The following GFOD1 variants were observed in gnomAD, a reference collection of about 807,000 sequenced individuals.
The protein encoded by GFOD1 is glucose-fructose oxidoreductase domain-containing protein 1.
A neutral mutation model predicts 25.4 loss-of-function variants in GFOD1; 9 were observed. That is an observed-to-expected ratio of 0.35 (90% CI 0.21 to 0.62). The LOEUF (loss-of-function observed/expected upper bound fraction) is 0.62, where lower values mean the gene tolerates loss of function less well. Ranked by LOEUF, GFOD1 falls within the 20% of genes least tolerant of loss-of-function variation. The pLI, the probability that GFOD1 is intolerant of heterozygous loss-of-function variation, is 0.72. For missense variants in GFOD1, 403 were observed against 556.9 expected (o/e 0.72, Z 2.78); for synonymous variants, 253 against 245.6 (o/e 1.03, Z -0.28).
intron 1 of GFOD1, among the ~76,000 whole-genome samples, chr6:13,393,954 AT>A (rs2127561889): frequency 6.6e-6 from 1 of 151,422 alleles, no homozygotes; most frequent in East Asian, 1.9e-4. Context: ...AATTTTTTGT[AT>A]TTTTAGTAGA....
intron 1 of GFOD1, among the ~76,000 whole-genome samples, chr6:13,444,385 A>G (rs1757968193): frequency 1.3e-5 from 2 of 149,854 alleles, no homozygotes; most frequent in Admixed American, 6.6e-5. Context: ...GGAGGGAGAG[A>G]AGCAAAAAAA....
chr6:13,420,373 T>G (rs1181436608), intron 1 of GFOD1, among the ~76,000 whole-genome samples: 1 of 152,168 alleles, frequency 6.6e-6, no homozygotes, highest in Non-Finnish European at 1.5e-5. Flanking sequence ...GAGGGCATCC[T>G]ACTCTCAGAT....
At chr6:13,428,584 T>C (rs182695906) in intron 1 of GFOD1, among the ~76,000 whole-genome samples, 1 of 152,210 alleles carries the variant, frequency 6.6e-6, no homozygotes, top group African/African-American at 2.4e-5. Flanking sequence ...AGAACAACAA[T>C]GGAAAAAGGC....
At chr6:13,410,587 AGAGAGAGAGAGAGAG>A (rs1377991599) in intron 1 of GFOD1, among the ~76,000 whole-genome samples, 1 of 30,824 alleles carries the variant, frequency 3.2e-5, no homozygotes, top group African/African-American at 4.7e-5. Flanking sequence ...GGAGAGAGAG[AGAGAGAGAGAGAGAG>A]AGAGAGAGAG....
intron 1 of GFOD1, among the ~76,000 whole-genome samples, chr6:13,441,950 C>G (rs562886903): frequency 2.0e-4 from 30 of 152,318 alleles, no homozygotes; most frequent in African/African-American, 5.1e-4. Flanking sequence ...AGGATATCAT[C>G]CCATGGCCAG....
intron 1 of GFOD1, among the ~76,000 whole-genome samples, chr6:13,429,428 G>A (rs1394620814): frequency 6.6e-6 from 1 of 152,184 alleles, no homozygotes; most frequent in African/African-American, 2.4e-5. Context: ...AATGCCTATC[G>A]AATGCAAAGA....
chr6:13,424,194 G>A (rs999657048), intron 1 of GFOD1, among the ~76,000 whole-genome samples: 1 of 152,142 alleles, frequency 6.6e-6, no homozygotes, highest in Non-Finnish European at 1.5e-5. Flanking sequence ...ATTATAATGG[G>A]CTCAGAGAGT....
At chr6:13,440,527 C>A (rs939458430) in intron 1 of GFOD1, among the ~76,000 whole-genome samples, 1 of 152,190 alleles carries the variant, frequency 6.6e-6, no homozygotes, top group African/African-American at 2.4e-5. Context: ...TGTACACCTC[C>A]TGGACTGTAA....
chr6:13,449,049 G>A (rs548748512), intron 1 of GFOD1, among the ~76,000 whole-genome samples: 1 of 152,232 alleles, frequency 6.6e-6, no homozygotes, highest in South Asian at 2.1e-4. Context: ...CACTTTGGGA[G>A]GCTGAGTTGG....
chr6:13,398,452 A>T (rs866188482), intron 1 of GFOD1, among the ~76,000 whole-genome samples: 7 of 152,252 alleles, frequency 4.6e-5, no homozygotes, highest in African/African-American at 1.7e-4. Context: ...ATTAAAGTAT[A>T]CACTTACTAT....
chr6:13,415,386 C>A (rs189679305), intron 1 of GFOD1, among the ~76,000 whole-genome samples: 1 of 152,170 alleles, frequency 6.6e-6, no homozygotes, highest in African/African-American at 2.4e-5. Context: ...GAGGGCACTG[C>A]CATTATGGGA....
intron 1 of GFOD1, among the ~76,000 whole-genome samples, chr6:13,475,666 C>T (rs777672583): frequency 1.5e-4 from 22 of 150,740 alleles, no homozygotes; most frequent in South Asian, 6.3e-4. Flanking sequence ...TGGAGTAAGC[C>T]GAGATTACGC....
chr6:13,404,882 T>A (rs1387209233), intron 1 of GFOD1, among the ~76,000 whole-genome samples: 1 of 152,206 alleles, frequency 6.6e-6, no homozygotes, highest in East Asian at 1.9e-4. Flanking sequence ...CACCTTTGGG[T>A]CAAATTTCAC....
At chr6:13,414,056 G>A (rs975079872) in intron 1 of GFOD1, among the ~76,000 whole-genome samples, 3 of 152,162 alleles carry the variant, frequency 2.0e-5, no homozygotes, top group African/African-American at 4.8e-5. Context: ...AACAGATAAG[G>A]GCTTGCTCAC....
chr6:13,433,830 G>A (rs1242424342), intron 1 of GFOD1, among the ~76,000 whole-genome samples: 1 of 152,132 alleles, frequency 6.6e-6, no homozygotes, highest in Non-Finnish European at 1.5e-5. Context: ...CCCAAACCAT[G>A]AGAGTCAGTC....
chr6:13,390,771 G>GAA (rs1785578283), intron 1 of GFOD1, among the ~76,000 whole-genome samples: 2 of 124,998 alleles, frequency 1.6e-5, no homozygotes, highest in South Asian at 4.7e-4. Context: ...AAGAGAGAGA[G>GAA]AGAGAGAGAA....
intron 1 of GFOD1, 42 bp downstream of exon 1, chr6:13,486,596 G>C: frequency 1.3e-6 from 2 of 1,564,152 alleles, no homozygotes; most frequent in Non-Finnish European, 1.8e-6. Context: ...GAAGGTTAAA[G>C]GGCGGGGGTG....
At chr6:13,368,556 C>T (rs1785091023) in intron 1 of GFOD1, among the ~76,000 whole-genome samples, 1 of 151,900 alleles carries the variant, frequency 6.6e-6, no homozygotes, top group South Asian at 2.1e-4. Flanking sequence ...ATAAATACTG[C>T]CAAAATCTGC....
intron 1 of GFOD1, chr6:13,469,866 C>T (rs1002185062): frequency 3.3e-6 from 4 of 1,202,984 alleles, no homozygotes; most frequent in Non-Finnish European, 4.5e-6. Flanking sequence ...GAGTAACACT[C>T]GTACTATGTC....
Sources: allele counts gnomAD v4.1 joint callset (sites outside exome capture counted in the v4.1 genomes callset), GRCh38; gene constraint gnomAD v4.1.1; transcripts MANE v1.5; gene names NCBI Gene and HGNC (gene_info 2026-07-23, HGNC 2026-07-21).